The following DTNBP1 variants were observed in gnomAD, a reference collection of about 807,000 sequenced individuals.
DTNBP1 encodes dystrobrevin binding protein 1.
A neutral mutation model predicts 42.8 loss-of-function variants in DTNBP1; 35 were observed. The observed-to-expected ratio is 0.82, with a 90% CI of 0.63 to 1.09. The LOEUF is 1.09. Among genes scored for constraint, DTNBP1 ranks in the 50% least tolerant of loss-of-function variants. The pLI is 0.00. For synonymous variants in DTNBP1, 171 were observed against 162.2 expected (o/e 1.05, Z -0.41); for missense variants, 457 against 424.2 (o/e 1.08, Z -0.68).
At chr6:15,529,344 T>C (rs955292750) in intron 8 of DTNBP1, among the ~76,000 whole-genome samples, 1 of 152,110 alleles carries the variant, frequency 6.6e-6, no homozygotes. Flanking sequence ...GAAACACCCA[T>C]CAATACATCA....
intron 4 of DTNBP1, among the ~76,000 whole-genome samples, chr6:15,637,338 G>A (rs1489648302): frequency 6.6e-6 from 1 of 152,074 alleles, no homozygotes; most frequent in Non-Finnish European, 1.5e-5. Context: ...TAATAATTTT[G>A]GATAGACTGA....
At position 15,523,838 on chromosome 6, in the gene DTNBP1, A is replaced by G. The variant is rs1030184535; in HGVS notation, c.812-619T>C. The G allele has an allele frequency of 9.3e-6, 12 of 1,287,044 alleles. No individual in the cohort carries two copies. In the African/African-American group the frequency reaches 1.4e-4, roughly 15 times the overall value. 79.7% of individuals were successfully genotyped at this position (1,287,044 alleles called of 1,614,324 possible). On this transcript the variant is annotated intron_variant, in intron 9 of 9. Transcript: ENST00000344537. ...GACACCGTTCTGACAGATTGCCAGGAGAAGCGGGTGAGAAGTTTAGAGGAA... is the reference window on the plus strand; with the variant it reads ...GACACCGTTCTGACAGATTGCCAGGGGAAGCGGGTGAGAAGTTTAGAGGAA...
At chr6:15,654,034 T>A (rs910223907) in intron 1 of DTNBP1, among the ~76,000 whole-genome samples, 6 of 152,232 alleles carry the variant, frequency 3.9e-5, no homozygotes, top group Non-Finnish European at 7.3e-5. Context: ...TGCATTTTTT[T>A]AAAACCAAAT....
At chr6:15,620,879 A>G (rs1474800776) in intron 5 of DTNBP1, among the ~76,000 whole-genome samples, 1 of 152,218 alleles carries the variant, frequency 6.6e-6, no homozygotes, top group Non-Finnish European at 1.5e-5. Context: ...CTAACAACAC[A>G]TATCTTGCAA....
At chr6:15,600,712 G>C (rs1382654007) in intron 6 of DTNBP1, among the ~76,000 whole-genome samples, 10 of 152,208 alleles carry the variant, frequency 6.6e-5, no homozygotes, top group Non-Finnish European at 1.5e-4. Flanking sequence ...TGAGAACTGA[G>C]CAGGTGGTAG....
chr6:15,618,164 A>G (rs1043761637), intron 5 of DTNBP1, among the ~76,000 whole-genome samples: 1 of 152,198 alleles, frequency 6.6e-6, no homozygotes, highest in African/African-American at 2.4e-5. Context: ...GCAAAAAATA[A>G]AAATTAAAAA....
At chr6:15,652,575 G>A (rs1275867471) in intron 1 of DTNBP1, among the ~76,000 whole-genome samples, 1 of 151,178 alleles carries the variant, frequency 6.6e-6, no homozygotes, top group East Asian at 1.9e-4. Context: ...TACCTCAAAA[G>A]ACAACAAATA....
intron 8 of DTNBP1, among the ~76,000 whole-genome samples, chr6:15,526,427 CATT>C (rs1772399157): frequency 6.6e-6 from 1 of 152,212 alleles, no homozygotes; most frequent in East Asian, 1.9e-4. Flanking sequence ...AAGTGAGTCT[CATT>C]ATCCTCAGGC....
intron 6 of DTNBP1, among the ~76,000 whole-genome samples, chr6:15,604,965 G>C (rs1757951795): frequency 6.6e-6 from 1 of 152,126 alleles, no homozygotes; most frequent in African/African-American, 2.4e-5. Flanking sequence ...AATGTTTCTG[G>C]AGTCAGTATG....
chr6:15,599,286 C>T (rs900355807), intron 6 of DTNBP1, among the ~76,000 whole-genome samples: 2 of 152,170 alleles, frequency 1.3e-5, no homozygotes, highest in African/African-American at 2.4e-5. Flanking sequence ...AGGCACTTTA[C>T]ACATACTGTC....
chr6:15,566,683 G>T lies in DTNBP1; in HGVS notation c.511+26376C>A, dbSNP rs150007314. 2.3e-3 allele frequency among the ~76,000 whole-genome samples: 338 copies of T among 149,710 alleles called. 1 individual carries two copies. Among genetic ancestry groups the T allele is most frequent in the African/African-American group, 7.8e-3 (317 of 40,742 alleles). ...AGCTACCTTTTGTGGGGGAAAATCT[G>T]CATCTGGAATGAATCTCCTTTTTTT... On this transcript the variant is annotated intron_variant, in intron 7 of 9. Coordinates refer to ENST00000344537, the MANE Select transcript of DTNBP1 (RefSeq NM_032122.5).
intron 1 of DTNBP1, 52 bp from the exon 2 acceptor site, chr6:15,652,192 A>T (rs1761039236): frequency 2.8e-6 from 4 of 1,437,718 alleles, no homozygotes; most frequent in Admixed American, 2.0e-5. Context: ...GATTATTATT[A>T]TTTTTTTGAG....
At chr6:15,592,845 T>C (rs957911953) in intron 7 of DTNBP1, among the ~76,000 whole-genome samples, 1 of 152,162 alleles carries the variant, frequency 6.6e-6, no homozygotes, top group African/African-American at 2.4e-5. Context: ...ACACCACTTA[T>C]AAAGGTCATT....
chr6:15,576,447 A>G (rs1360302813), intron 7 of DTNBP1, among the ~76,000 whole-genome samples: 1 of 150,914 alleles, frequency 6.6e-6, no homozygotes, highest in African/African-American at 2.4e-5. Flanking sequence ...ACTTCTATTC[A>G]TGTCAAGTGA....
intron 6 of DTNBP1, among the ~76,000 whole-genome samples, chr6:15,597,396 A>C (rs1373658451): frequency 1.3e-5 from 2 of 152,258 alleles, no homozygotes; most frequent in Non-Finnish European, 2.9e-5. Context: ...CAGATATTTT[A>C]CTCTTAAGCA....
intron 3 of DTNBP1, among the ~76,000 whole-genome samples, chr6:15,639,620 T>C (rs1340844184): frequency 6.6e-6 from 1 of 152,236 alleles, no homozygotes; most frequent in Admixed American, 6.5e-5. Context: ...GAAAATTTTC[T>C]TGGATGTATC....
chr6:15,640,481 G>A (rs1255814181), intron 3 of DTNBP1, among the ~76,000 whole-genome samples: 1 of 152,196 alleles, frequency 6.6e-6, no homozygotes, highest in East Asian at 1.9e-4. Flanking sequence ...TATATTCTAT[G>A]TATACCATGG....
At chr6:15,574,655 A>T (rs1775487175) in intron 7 of DTNBP1, among the ~76,000 whole-genome samples, 1 of 152,224 alleles carries the variant, frequency 6.6e-6, no homozygotes, top group Admixed American at 6.5e-5. Context: ...TGCCCTCAGC[A>T]AGCTGTTCCG....
At chr6:15,651,968 T>C (rs1049820731) in intron 2 of DTNBP1, 119 bp downstream of exon 2, 24 of 806,510 alleles carry the variant, frequency 3.0e-5, no homozygotes, top group East Asian at 7.8e-5. Context: ...TAAATTATTT[T>C]GTAGTCAGAT....
Sources: gnomAD v4.1 joint callset for allele counts (sites outside exome capture counted in the v4.1 genomes callset) on GRCh38, gnomAD v4.1.1 for gene constraint, MANE v1.5 for transcripts, NCBI Gene and HGNC (gene_info 2026-07-23, HGNC 2026-07-21) for gene names.